ARHGAP31: variants seen among roughly 807,000 people sequenced by gnomAD.
The protein encoded by ARHGAP31 is rho GTPase-activating protein 31.
Under a neutral mutation model 113.9 loss-of-function variants are expected in ARHGAP31, and 34 were observed. The ratio of observed to expected loss-of-function variants is 0.30; its 90% CI spans 0.23 to 0.40. The LOEUF (loss-of-function observed/expected upper bound fraction) is 0.40, where lower values mean the gene tolerates loss of function less well. Among genes scored for constraint, ARHGAP31 ranks in the 10% least tolerant of loss-of-function variants. The probability of loss-of-function intolerance (pLI) is 1.00; values close to 1 mark genes in which losing one functional copy is unlikely to be tolerated. For synonymous variants in ARHGAP31, 650 were observed against 684.8 expected, an observed-to-expected ratio of 0.95 and a Z score of 0.79; for missense variants, 1,548 against 1,767.1, an observed-to-expected ratio of 0.88 and a Z score of 2.22.
At chr3:119,302,184 C>T (rs1001438373) in intron 1 of ARHGAP31, among the ~76,000 whole-genome samples, 1 of 152,230 alleles carries the variant, frequency 6.6e-6, no homozygotes, top group African/African-American at 2.4e-5. Context: ...TGCTATTTCT[C>T]CCCCAAGGGG....
chr3:119,307,224 G>A (rs563719006), intron 1 of ARHGAP31, among the ~76,000 whole-genome samples: 2 of 152,236 alleles, frequency 1.3e-5, no homozygotes, highest in East Asian at 3.9e-4. Flanking sequence ...CTATGCCTCA[G>A]TTTCTTCATC....
intron 3 of ARHGAP31, among the ~76,000 whole-genome samples, chr3:119,371,207 G>C (rs2080294099): frequency 6.6e-6 from 1 of 152,166 alleles, no homozygotes; most frequent in Non-Finnish European, 1.5e-5. Flanking sequence ...ATTATAGTTG[G>C]GGGTAGATAG....
intron 3 of ARHGAP31, among the ~76,000 whole-genome samples, chr3:119,377,355 C>T (rs1267410061): frequency 2.0e-5 from 3 of 152,328 alleles, no homozygotes; most frequent in African/African-American, 4.8e-5. Flanking sequence ...ATGATGGGGA[C>T]TCCTGTTTTA....
intron 9 of ARHGAP31, among the ~76,000 whole-genome samples, chr3:119,399,827 TG>T (rs1194561819): frequency 6.6e-6 from 1 of 152,216 alleles, no homozygotes; most frequent in Non-Finnish European, 1.5e-5. Flanking sequence ...CAATATCCTT[TG>T]TTGGAGTAGA....
Position 119,414,886 on chromosome 3 carries a change from C to T in ARHGAP31, c.2957C>T (p.Pro986Leu), listed in dbSNP as rs1448198176. The change falls in exon 12 of 12, where the codon CCT becomes CTT. Residue 986 changes from proline (P) to leucine (L), a missense_variant. Physicochemically the swap from Pro to Leu is moderately conservative, Grantham distance 98. Coordinates refer to ENST00000264245, the MANE Select transcript of ARHGAP31 (RefSeq NM_020754.4). ...CTTGAAACAGAGAGGAATTCTGACCCTCTTCAGCCCCAGGCACCCAGGAGA... is the reference window on the plus strand; with the variant it reads ...CTTGAAACAGAGAGGAATTCTGACCTTCTTCAGCCCCAGGCACCCAGGAGA... Reference protein sequence around the residue: ...ANLETERNSDPLQPQAPRREI... With the variant: ...ANLETERNSDLLQPQAPRREI... 3.1e-6 allele frequency: 5 copies of T among 1,614,208 alleles called. No individual in the cohort carries two copies. The highest frequency in any genetic ancestry group is 1.7e-5 in the Admixed American group (1 of 60,032).
intron 1 of ARHGAP31, among the ~76,000 whole-genome samples, chr3:119,316,263 A>G (rs2079729483): frequency 6.6e-6 from 1 of 152,252 alleles, no homozygotes; most frequent in African/African-American, 2.4e-5. Flanking sequence ...ATGCAAAAAC[A>G]GTGTGCTTTG....
chr3:119,358,369 A>T (rs533336321), intron 1 of ARHGAP31, among the ~76,000 whole-genome samples: 1 of 152,338 alleles, frequency 6.6e-6, no homozygotes, highest in African/African-American at 2.4e-5. Flanking sequence ...AGGATATGGA[A>T]AATTGGAACC....
intron 1 of ARHGAP31, among the ~76,000 whole-genome samples, chr3:119,337,067 A>C (rs893116855): frequency 6.6e-6 from 1 of 152,180 alleles, no homozygotes; most frequent in Non-Finnish European, 1.5e-5. Flanking sequence ...TGGACATTTG[A>C]ATTGTTTCCA....
intron 2 of ARHGAP31, among the ~76,000 whole-genome samples, chr3:119,366,844 G>A (rs1304120065): frequency 6.6e-6 from 1 of 151,978 alleles, no homozygotes; most frequent in Non-Finnish European, 1.5e-5. Flanking sequence ...GCTCACACCT[G>A]TAATCCCAGC....
In ARHGAP31 at chr3:119,414,841, C is replaced by T; in HGVS notation, c.2912C>T (p.Ser971Phe). The T allele has an allele frequency of 2.5e-6, 4 of 1,614,264 alleles. 1 individual carries two copies. In the South Asian group the frequency reaches 3.3e-5, roughly 13 times the overall value. The change falls in exon 12 of 12, where the codon TCC becomes TTC. Residue 971 changes from serine to phenylalanine, a missense_variant. Physicochemically the swap from Ser to Phe is radical, Grantham distance 155. Coordinates refer to ENST00000264245, the MANE Select transcript of ARHGAP31 (RefSeq NM_020754.4). ...AGCCAGTGGACTCTCGAGGTTCCCT[C>T]CTCCAGCAGCTGTGCTAATCTTGAA... ...VKSQWTLEVP[S>F]SSSCANLETE...
chr3:119,390,672 TG>T, intron 6 of ARHGAP31, 112 bp from the exon 7 acceptor site: 2 of 1,164,318 alleles, frequency 1.7e-6, no homozygotes, highest in Non-Finnish European at 2.5e-6. Flanking sequence ...GAAGCCAGGG[TG>T]GCACTCAGCC....
At chr3:119,386,112 A>G (rs1189171351) in intron 6 of ARHGAP31, among the ~76,000 whole-genome samples, 1 of 152,190 alleles carries the variant, frequency 6.6e-6, no homozygotes, top group Non-Finnish European at 1.5e-5. Flanking sequence ...AAAGGTTCTT[A>G]TTATAAATTC....
chr3:119,300,874 G>GAA (rs1295900979), intron 1 of ARHGAP31, among the ~76,000 whole-genome samples: 1 of 147,508 alleles, frequency 6.8e-6, no homozygotes, highest in African/African-American at 2.6e-5. Context: ...AAGAAAGAAA[G>GAA]ACACAGCCTC....
At chr3:119,321,288 T>TATATATAGTATAC (rs2079782799) in intron 1 of ARHGAP31, among the ~76,000 whole-genome samples, 1 of 147,154 alleles carries the variant, frequency 6.8e-6, no homozygotes, top group Admixed American at 6.8e-5. Flanking sequence ...ACTATATATA[T>TATATATAGTATAC]ATATATAGTA....
intron 1 of ARHGAP31, among the ~76,000 whole-genome samples, chr3:119,344,045 C>CG (rs1463855752): frequency 8.0e-6 from 1 of 125,180 alleles, no homozygotes; most frequent in Non-Finnish European, 1.6e-5. Flanking sequence ...TGCTGCTGGC[C>CG]GGGGGCGCAA....
In ARHGAP31 at chr3:119,414,113, G is replaced by A; in HGVS notation, c.2184G>A (p.Gln728=). 3 of 1,614,224 alleles carry A rather than the reference G, an allele frequency of 1.9e-6. No homozygotes were observed. Among genetic ancestry groups the A allele is most frequent in the South Asian group, 1.1e-5 (1 of 91,088 alleles). Residue 728 remains glutamine (Q), a synonymous_variant, in exon 12 of 12, where the codon CAG becomes CAA. Transcript: ENST00000264245. ...WTRDPANQST[Q]GASTAASREK... ...GGGATCCAGCCAATCAGAGCACACAGGGGGCTTCCACAGCAGCCAGCAGAG... is the reference window on the plus strand; with the variant it reads ...GGGATCCAGCCAATCAGAGCACACAAGGGGCTTCCACAGCAGCCAGCAGAG...
chr3:119,392,513 G>A (rs1015443534), intron 7 of ARHGAP31, among the ~76,000 whole-genome samples: 52 of 152,328 alleles, frequency 3.4e-4, no homozygotes, highest in African/African-American at 1.1e-3. Flanking sequence ...AGAGCCCTGC[G>A]GAGAATAGGT....
chr3:119,343,258 G>A (rs1455188255), intron 1 of ARHGAP31, among the ~76,000 whole-genome samples: 1 of 152,190 alleles, frequency 6.6e-6, no homozygotes, highest in Non-Finnish European at 1.5e-5. Context: ...TAAGAGTGGG[G>A]TTGGGAGTCA....
At chr3:119,354,697 T>C (rs2080140903) in intron 1 of ARHGAP31, among the ~76,000 whole-genome samples, 1 of 149,124 alleles carries the variant, frequency 6.7e-6, no homozygotes, top group African/African-American at 2.5e-5. Context: ...TTTTTTTTTT[T>C]TGTATTTTTT....
Sources: allele counts gnomAD v4.1 joint callset (sites outside exome capture counted in the v4.1 genomes callset), GRCh38; gene constraint gnomAD v4.1.1; transcripts MANE v1.5; gene names NCBI Gene and HGNC (gene_info 2026-07-23, HGNC 2026-07-21).